Variants in IFT56 observed in about 807,000 individuals in gnomAD.
IFT56 encodes intraflagellar transport protein 56.
At chr7:139,179,755 C>T in the IFT56 span, 4 of 841,328 alleles carry the variant, frequency 4.8e-6, no homozygotes, top group African/African-American at 5.2e-5. Flanking sequence ...GCATTTTGTT[C>T]TGTAGAATGA....
chr7:139,189,255 GTTTAT>G, the IFT56 span: 4,545 of 1,239,222 alleles, frequency 3.7e-3, 116 homozygotes, highest in African/African-American at 0.058. Flanking sequence ...ACAGTTCAGA[GTTTAT>G]TTTATTTTTT....
At chr7:139,141,197 C>G in the IFT56 span, among the ~76,000 whole-genome samples, 1 of 149,064 alleles carries the variant, frequency 6.7e-6, no homozygotes, top group Non-Finnish European at 1.5e-5. Flanking sequence ...GGAGGCGGAG[C>G]TTGCAGTGAG....
chr7:139,138,903 C>T, the IFT56 span, among the ~76,000 whole-genome samples: 7 of 151,786 alleles, frequency 4.6e-5, no homozygotes, highest in South Asian at 2.1e-4. Context: ...CTCCGCCTCC[C>T]GGGTTCAAGC....
chr7:139,165,292 T>C, the IFT56 span: 1 of 1,145,980 alleles, frequency 8.7e-7, no homozygotes, highest in Admixed American at 2.2e-5. Flanking sequence ...TAGTTAAATA[T>C]GTCTGATGGA....
chr7:139,156,691 C>T, the IFT56 span, among the ~76,000 whole-genome samples: 1 of 151,524 alleles, frequency 6.6e-6, no homozygotes, highest in East Asian at 1.9e-4. Flanking sequence ...TTTTTTTTTC[C>T]ATGAGAATAA....
the IFT56 span, among the ~76,000 whole-genome samples, chr7:139,159,201 G>A: frequency 0.035 from 5,399 of 152,158 alleles, 143 homozygotes; most frequent in South Asian, 0.12. Flanking sequence ...TAAATGTTTG[G>A]TAGAACTTAT....
the IFT56 span, among the ~76,000 whole-genome samples, chr7:139,166,156 C>T: frequency 4.6e-5 from 7 of 152,086 alleles, no homozygotes; most frequent in African/African-American, 1.7e-4. Context: ...CGGGGTTTCG[C>T]CATGTTGGCC....
chr7:139,149,846 ATAACT>A, the IFT56 span, among the ~76,000 whole-genome samples: 113 of 152,180 alleles, frequency 7.4e-4, no homozygotes, highest in Non-Finnish European at 1.3e-3. Flanking sequence ...TAAATAACAC[ATAACT>A]TTACTAACAT....
At chr7:139,159,893 C>T in the IFT56 span, among the ~76,000 whole-genome samples, 1 of 152,062 alleles carries the variant, frequency 6.6e-6, no homozygotes, top group African/African-American at 2.4e-5. Flanking sequence ...TATTTTAAGG[C>T]ATATTATTAC....
chr7:139,179,411 C>G, the IFT56 span, among the ~76,000 whole-genome samples: 3 of 152,192 alleles, frequency 2.0e-5, no homozygotes, highest in African/African-American at 7.2e-5. Context: ...TGGTGAAATA[C>G]TTTAAATCAC....
At chr7:139,148,405 A>T in the IFT56 span, 2 of 1,583,042 alleles carry the variant, frequency 1.3e-6, no homozygotes, top group Middle Eastern at 1.7e-4. Context: ...TTTTTAATGT[A>T]CTTCATTCCA....
the IFT56 span, among the ~76,000 whole-genome samples, chr7:139,170,709 A>G: frequency 6.6e-6 from 1 of 152,196 alleles, no homozygotes; most frequent in Non-Finnish European, 1.5e-5. Context: ...ACCTCAAAAC[A>G]ATGAAATCCA....
At chr7:139,157,574 G>A in the IFT56 span, among the ~76,000 whole-genome samples, 1 of 148,122 alleles carries the variant, frequency 6.8e-6, no homozygotes, top group African/African-American at 2.5e-5. Context: ...CTGGATCATG[G>A]CTTACTATAA....
At chr7:139,139,758 A>AT in the IFT56 span, 1 of 576,638 alleles carries the variant, frequency 1.7e-6, no homozygotes, top group Non-Finnish European at 3.1e-6. Context: ...GAATAGAGTA[A>AT]TTGCAGAGCA....
the IFT56 span, among the ~76,000 whole-genome samples, chr7:139,172,037 A>T: frequency 6.6e-6 from 1 of 152,134 alleles, no homozygotes. Context: ...GTCCCTCTAA[A>T]ATACTTTGAG....
chr7:139,180,230 G>A, the IFT56 span, among the ~76,000 whole-genome samples: 12 of 152,242 alleles, frequency 7.9e-5, 2 homozygotes, highest in South Asian at 2.1e-4. Flanking sequence ...CCAGCTGCTC[G>A]GGAGGCTGAG....
the IFT56 span, among the ~76,000 whole-genome samples, chr7:139,146,722 G>A: frequency 2.0e-5 from 3 of 147,006 alleles, no homozygotes; most frequent in Non-Finnish European, 4.4e-5. Context: ...AGCCGAGATC[G>A]TGCCATTGCA....
At chr7:139,181,697 A>G in the IFT56 span, among the ~76,000 whole-genome samples, 1 of 152,222 alleles carries the variant, frequency 6.6e-6, no homozygotes, top group African/African-American at 2.4e-5. Flanking sequence ...GGGCCATATG[A>G]TATAGCTTAT....
chr7:139,148,929 G>T, the IFT56 span, among the ~76,000 whole-genome samples: 1 of 151,386 alleles, frequency 6.6e-6, no homozygotes, highest in Non-Finnish European at 1.5e-5. Flanking sequence ...AAAAACAAAT[G>T]CTTCAGCTTC....
Sources: allele counts gnomAD v4.1 joint callset (sites outside exome capture counted in the v4.1 genomes callset), GRCh38; gene constraint gnomAD v4.1.1; transcripts MANE v1.5; gene names NCBI Gene and HGNC (gene_info 2026-07-23, HGNC 2026-07-21).